Variants in MAGEL2 observed in about 807,000 individuals in gnomAD.
The protein encoded by MAGEL2 is MAGE family member L2, also known as MAGE-like protein 2.
For missense variants in MAGEL2, 1,830 were observed against 1,699.2 expected, an observed-to-expected ratio of 1.08 and a Z score of -1.35; for synonymous variants, 792 against 721.7, an observed-to-expected ratio of 1.10 and a Z score of -1.56.
chr15:23,647,283 G>C lies in MAGEL2; in HGVS notation c.460C>G (p.Pro154Ala), dbSNP rs1169854094. The change falls in exon 1 of 1, where the codon CCT (proline) becomes GCT (alanine). Residue 154 changes from proline (P) to alanine (A), a missense_variant. Physicochemically the swap from Pro to Ala is conservative, Grantham distance 27. Transcript: ENST00000650528. The part of the protein sequence containing the change: ...PPGTPMSHPP[P>A]PGTPMAHPPP... The stretch of plus-strand genomic sequence containing the variant: ...GGATGGGCCATTGGGGTCCCCGGAG[G>C]GGGAGGGTGGGACATTGGGGTCCCC... 1 of 1,535,148 alleles carries C rather than the reference G, an allele frequency of 6.5e-7. No individual in the cohort carries two copies. Among genetic ancestry groups the C allele is most frequent in the East Asian group, 2.4e-5 (1 of 40,834 alleles).
In MAGEL2 at chr15:23,647,713, G is replaced by A. The variant is rs1890452746; in HGVS notation, c.30C>T (p.Asp10=). The A allele has an allele frequency of 2.7e-6, 4 of 1,478,640 alleles. No individual in the cohort carries two copies. The highest frequency in any genetic ancestry group is 2.8e-5 in the African/African-American group (2 of 70,454). The allele number at this position is 1,478,640 out of a possible 1,614,324, so 91.6% of individuals were successfully genotyped here. The part of the protein sequence containing the change: MSQLSKNLG[D]SSPPAEAPKP... ...TCGGGGCCTCCGCCGGAGGACTCGAGTCACCCAGATTCTTACTTAGCTGCG... is the reference window on the plus strand; with the variant it reads ...TCGGGGCCTCCGCCGGAGGACTCGAATCACCCAGATTCTTACTTAGCTGCG... Residue 10 remains aspartate (D), a synonymous_variant, in exon 1 of 1, where the codon GAC becomes GAT. Coordinates refer to ENST00000650528, the MANE Select transcript of MAGEL2 (RefSeq NM_019066.5).
chr15:23,647,038 C>T lies in MAGEL2; in HGVS notation c.705G>A (p.Pro235=), dbSNP rs1039950117. The T allele has an allele frequency of 3.9e-6, 6 of 1,536,252 alleles. No homozygotes were observed. The Admixed American group carries it at 5.9e-5, about 15-fold the overall frequency. ...PGTPMAQPPA[P]GVLMAQPLTP... is the part of the protein sequence containing the mutation. ...TCAGAGGCTGGGCCATCAGGACTCC[C>T]GGAGCTGGAGGCTGGGCCATCGGTG... Residue 235 remains proline, a synonymous_variant, in exon 1 of 1, where the codon CCG becomes CCA. Transcript: ENST00000650528.
rs377276863 is a variant in MAGEL2, at chr15:23,645,115, G to A, written c.2628C>T (p.Val876=). The A allele has an allele frequency of 7.4e-5, 120 of 1,613,766 alleles. No homozygotes were observed. In the African/African-American group the frequency reaches 9.9e-4, roughly 13 times the overall value. ...CCTTGCCGGAGCGGCGTGGCGGCTC[G>A]ACGGAGGTCTTGGAGGCCTCTTGAG... ...ATTQEASKTS[V]EPPRRSGKAT... is the part of the protein sequence containing the mutation. Residue 876 remains valine (V), a synonymous_variant, in exon 1 of 1, where the codon GTC becomes GTT. Transcript: ENST00000650528.
In MAGEL2 at chr15:23,644,264, A is replaced by G; in HGVS notation, c.3479T>C (p.Val1160Ala). 2.5e-6 allele frequency: 4 copies of G among 1,613,744 alleles called. No homozygotes were observed. The highest frequency in any genetic ancestry group is 3.4e-6 in the Non-Finnish European group (4 of 1,179,876). ...FGNTKKLITE[V>A]FVRQKYLEYR... ...CTCTAGGTACTTCTGCCTGACAAAC[A>G]CTTCGGTGATGAGCTTCTTAGTATT... Residue 1160 changes from valine (V) to alanine (A), a missense_variant, in exon 1 of 1, where the codon GTG (valine) becomes GCG (alanine). Physicochemically the swap from Val to Ala is moderately conservative, Grantham distance 64. Coordinates refer to ENST00000650528, the MANE Select transcript of MAGEL2 (RefSeq NM_019066.5).
rs773477031 is a variant in MAGEL2, at chr15:23,645,401, T to G, written c.2342A>C (p.Glu781Ala). The G allele has an allele frequency of 1.2e-6, 2 of 1,613,970 alleles. No individual in the cohort carries two copies. Among genetic ancestry groups the G allele is most frequent in the Admixed American group, 3.3e-5 (2 of 60,028 alleles). The change falls in exon 1 of 1, where the codon GAG becomes GCG. Residue 781 changes from glutamate (E) to alanine (A), a missense_variant. Coordinates refer to ENST00000650528, the MANE Select transcript of MAGEL2 (RefSeq NM_019066.5). ...GACACTTGAGGAGGGAGCAAAGGTC[T>G]CCGGTGTGGCAGGCAGGTTTTTCCA... Reference protein sequence around the residue: ...AAWKNLPATPETFAPSSSVFP... With the variant: ...AAWKNLPATPATFAPSSSVFP...
At position 23,644,414 on chromosome 15, in the gene MAGEL2, A is replaced by G. The variant is rs769234428; in HGVS notation, c.3329T>C (p.Phe1110Ser). The G allele has an allele frequency of 1.2e-6, 2 of 1,613,942 alleles. No homozygotes were observed. Among genetic ancestry groups the G allele is most frequent in the Non-Finnish European group, 1.7e-6 (2 of 1,179,876 alleles). Residue 1110 changes from phenylalanine to serine, a missense_variant, in exon 1 of 1, where the codon TTT becomes TCT. Transcript: ENST00000650528. ...GCTCAAGACCACCATCAGAAGGCCA[A>G]ACTTGGGCCTGTCTAAATAGGATGC... ...LVASYLDRPK[F>S]GLLMVVLSLI... is the part of the protein sequence containing the mutation.
chr15:23,647,381 T>C lies in MAGEL2; in HGVS notation c.362A>G (p.Gln121Arg). The change falls in exon 1 of 1, where the codon CAG (glutamine) becomes CGG (arginine). Residue 121 changes from glutamine (Q) to arginine (R), a missense_variant. Gln to Arg is a conservative substitution (Grantham distance 43). Transcript: ENST00000650528. ...CATCAGGACTCCCGGGGTCGGAGGCTGGGCCATCGGGGCTCCCGGAGGTGG... is the reference window on the plus strand; with the variant it reads ...CATCAGGACTCCCGGGGTCGGAGGCCGGGCCATCGGGGCTCCCGGAGGTGG... ...HPPPPGAPMA[Q>R]PPTPGVLMVH... 1.3e-6 allele frequency: 2 copies of C among 1,536,822 alleles called. No homozygotes were observed. Among genetic ancestry groups the C allele is most frequent in the Non-Finnish European group, 1.7e-6 (2 of 1,146,798 alleles).
Position 23,646,587 on chromosome 15 carries a change from G to A in MAGEL2, c.1156C>T (p.Pro386Ser). The change falls in exon 1 of 1, where the codon CCC becomes TCC. Residue 386 changes from proline to serine, a missense_variant. By Grantham distance (74) the Pro-to-Ser change is moderately conservative. Coordinates refer to ENST00000650528, the MANE Select transcript of MAGEL2 (RefSeq NM_019066.5). The surrounding 1 kb of genome is among the most constrained non-coding windows in gnomAD (Gnocchi z 4.2). The part of the protein sequence containing the change: ...QATQQGWQAT[P>S]LTWQTTQVTW... ...ACCTGCGTGGTCTGCCAAGTCAGGG[G>A]AGTGGCCTGCCAGCCTTGCTGCGTG... 1 of 1,473,738 alleles carries A rather than the reference G, an allele frequency of 6.8e-7. No individual in the cohort carries two copies. The highest frequency in any genetic ancestry group is 8.9e-7 in the Non-Finnish European group (1 of 1,117,744). 91.3% of individuals were successfully genotyped at this position (1,473,738 alleles called of 1,614,324 possible). A position where few individuals can be genotyped will look rare whatever the true frequency, so the allele number is the denominator to read the frequency against.
Position 23,647,624 on chromosome 15 carries a change from G to A in MAGEL2, c.119C>T (p.Pro40Leu), listed in dbSNP as rs1345096812. 8 of 1,536,846 alleles carry A rather than the reference G, an allele frequency of 5.2e-6. No homozygotes were observed. The highest frequency in any genetic ancestry group is 3.4e-4 in the Middle Eastern group (2 of 5,914). ...MRAPPASSRA[P>L]PVPWDPPPID... ...TGGAGGTGGATCCCAAGGGACTGGCGGAGCCCGGGAGGAAGCGGGCGGGGC... is the reference window on the plus strand; with the variant it reads ...TGGAGGTGGATCCCAAGGGACTGGCAGAGCCCGGGAGGAAGCGGGCGGGGC... The change falls in exon 1 of 1, where the codon CCG (proline) becomes CTG (leucine). Residue 40 changes from proline (P) to leucine (L), a missense_variant. Pro to Leu is a moderately conservative substitution (Grantham distance 98). Transcript: ENST00000650528.
chr15:23,644,537 A>C lies in MAGEL2; in HGVS notation c.3206T>G (p.Leu1069Arg), dbSNP rs1229854555. The C allele has an allele frequency of 1.2e-6, 2 of 1,613,784 alleles. No homozygotes were observed. The highest frequency in any genetic ancestry group is 3.3e-5 in the Admixed American group (2 of 60,004). ...CAATTGATAACCAAAGGCACACTCC[A>C]GCTTATTGTTGGCACGGTTGATGAT... The part of the protein sequence containing the change: ...LDIINRANNK[L>R]ECAFGYQLKE... Residue 1069 changes from leucine to arginine, a missense_variant, in exon 1 of 1, where the codon CTG (leucine) becomes CGG (arginine). Physicochemically the swap from Leu to Arg is moderately radical, Grantham distance 102. Coordinates refer to ENST00000650528, the MANE Select transcript of MAGEL2 (RefSeq NM_019066.5).
Position 23,644,161 on chromosome 15 carries a change from C to T in MAGEL2, c.3582G>A (p.Lys1194=). ...TGGCCAAAAACCTCAGGACAAGCAT[C>T]TTGCTGGTTTCCAGGAATGCTCGAG... ...WGPRAFLETS[K]MLVLRFLAKL... The change falls in exon 1 of 1, where the codon AAG becomes AAA. Residue 1194 remains lysine, a synonymous_variant. Transcript: ENST00000650528. 6.2e-7 allele frequency: 1 copy of T among 1,613,960 alleles called. No homozygotes were observed. Among genetic ancestry groups the T allele is most frequent in the South Asian group, 1.1e-5 (1 of 91,072 alleles).
At position 23,644,549 on chromosome 15, in the gene MAGEL2, G is replaced by A; in HGVS notation, c.3194C>T (p.Ala1065Val). The change falls in exon 1 of 1, where the codon GCC (alanine) becomes GTC (valine). Residue 1065 changes from alanine (A) to valine (V), a missense_variant. Ala to Val is a moderately conservative substitution (Grantham distance 64). Coordinates refer to ENST00000650528, the MANE Select transcript of MAGEL2 (RefSeq NM_019066.5). ...AAAGGCACACTCCAGCTTATTGTTGGCACGGTTGATGATATCTAAGCACTC... is the reference window on the plus strand; with the variant it reads ...AAAGGCACACTCCAGCTTATTGTTGACACGGTTGATGATATCTAAGCACTC... ...KDECLDIINR[A>V]NNKLECAFGY... is the part of the protein sequence containing the mutation. The A allele has an allele frequency of 6.2e-7, 1 of 1,613,688 alleles. No individual in the cohort carries two copies. Among genetic ancestry groups the A allele is most frequent in the Non-Finnish European group, 8.5e-7 (1 of 1,179,834 alleles).
At position 23,646,507 on chromosome 15, in the gene MAGEL2, C is replaced by T; in HGVS notation, c.1236G>A (p.Gly412=). The change falls in exon 1 of 1, where the codon GGG becomes GGA. Residue 412 remains glycine (G), a synonymous_variant. Transcript: ENST00000650528. The surrounding 1 kb of genome is among the most constrained non-coding windows in gnomAD (Gnocchi z 4.2). The part of the protein sequence containing the change: ...TWQVPPPMRQ[G]PPPIRPGPPP... ...GTGGGCCAGGGCGGATGGGCGGGGG[C>T]CCCTGGCGCATGGGCGGCGGCACCT... The T allele has an allele frequency of 6.9e-7, 1 of 1,458,592 alleles. No individual in the cohort carries two copies. Among genetic ancestry groups the T allele is most frequent in the Non-Finnish European group, 9.0e-7 (1 of 1,113,240 alleles). 90.4% of individuals were successfully genotyped at this position (1,458,592 alleles called of 1,614,324 possible).
rs1890326696 is a variant in MAGEL2, at chr15:23,643,620, T to G, written c.*373A>C. The G allele has an allele frequency of 5.7e-6, 1 of 174,702 alleles. No individual in the cohort carries two copies. Among genetic ancestry groups the G allele is most frequent in the Non-Finnish European group, 1.2e-5 (1 of 83,588 alleles). The allele number at this position is 174,702 out of a possible 1,614,324, so 10.8% of individuals were successfully genotyped here. A position where few individuals can be genotyped will look rare whatever the true frequency, so the allele number is the denominator to read the frequency against. Reference sequence around the variant, plus strand: ...TCTGTAGACAGTTTTTACTGATGAGTCATTTGAACGTTCAAAGAACAACCG... The same window carrying G: ...TCTGTAGACAGTTTTTACTGATGAGGCATTTGAACGTTCAAAGAACAACCG... On this transcript the variant is annotated 3_prime_UTR_variant, in exon 1 of 1. Transcript: ENST00000650528.
chr15:23,645,734 G>T lies in MAGEL2; in HGVS notation c.2009C>A (p.Ala670Glu), dbSNP rs1174727862. The T allele has an allele frequency of 6.4e-7, 1 of 1,568,314 alleles. No individual in the cohort carries two copies. The highest frequency in any genetic ancestry group is 8.6e-7 in the Non-Finnish European group (1 of 1,159,256). Residue 670 changes from alanine (A) to glutamate (E), a missense_variant, in exon 1 of 1, where the codon GCA (alanine) becomes GAA (glutamate). Ala to Glu is a moderately radical substitution (Grantham distance 107, BLOSUM62 -1). Coordinates refer to ENST00000650528, the MANE Select transcript of MAGEL2 (RefSeq NM_019066.5). ...QIQLPPQQAQ[A>E]SGPQAEVPTL... ...GGGCACCTCCGCTTGCGGACCCGAT[G>T]CCTGGGCCTGCTGGGGGGGTAGCTG... is the stretch of plus-strand genomic sequence containing the variant.
rs1404298167 is a variant in MAGEL2 at position 23,646,547 on chromosome 15, G to T, written c.1196C>A (p.Pro399Gln). The change falls in exon 1 of 1, where the codon CCA becomes CAA. Residue 399 changes from proline (P) to glutamine (Q), a missense_variant. By Grantham distance (76) the Pro-to-Gln change is moderately conservative. Coordinates refer to ENST00000650528, the MANE Select transcript of MAGEL2 (RefSeq NM_019066.5). This position sits in a 1 kb window ranked among gnomAD's most constrained non-coding sequence, Gnocchi z 4.2. The part of the protein sequence containing the change: ...WQTTQVTWQA[P>Q]AVTWQVPPPM... ...CGGCGGCACCTGCCAGGTAACGGCT[G>T]GTGCCTGCCAGGTGACCTGCGTGGT... The T allele has an allele frequency of 2.9e-5, 43 of 1,474,910 alleles. No individual in the cohort carries two copies. Among genetic ancestry groups the T allele is most frequent in the Non-Finnish European group, 3.8e-5 (43 of 1,119,326 alleles). 91.4% of individuals were successfully genotyped at this position (1,474,910 alleles called of 1,614,324 possible).
chr15:23,646,696 C>G lies in MAGEL2; in HGVS notation c.1047G>C (p.Pro349=). Residue 349 remains proline, a synonymous_variant, in exon 1 of 1, where the codon CCG becomes CCC. Coordinates refer to ENST00000650528, the MANE Select transcript of MAGEL2 (RefSeq NM_019066.5). This position sits in a 1 kb window ranked among gnomAD's most constrained non-coding sequence, Gnocchi z 4.2. ...QIQSQVIRAP[P]QVPQGPQAPP... ...GTGCCTGCGGGCCCTGGGGAACCTG[C>G]GGAGGAGCCCTTATAACTTGAGACT... The G allele has an allele frequency of 3.9e-6, 6 of 1,525,328 alleles. No individual in the cohort carries two copies. The highest frequency in any genetic ancestry group is 5.3e-6 in the Non-Finnish European group (6 of 1,140,700). The allele number at this position is 1,525,328 out of a possible 1,614,324, so 94.5% of individuals were successfully genotyped here.
rs1229812620 is a variant in MAGEL2, at chr15:23,644,004, G to A, written c.3739C>T (p.Pro1247Ser). ...DSAHGPTSRP[P>S]PR ...CTCTGCTACACCTATTAGCGGGGAG[G>A]GGGCCTGCTGGTGGGGCCGTGGGCA... is the stretch of plus-strand genomic sequence containing the variant. The change falls in exon 1 of 1, where the codon CCT (proline) becomes TCT (serine). Residue 1247 changes from proline to serine, a missense_variant. By Grantham distance (74) the Pro-to-Ser change is moderately conservative. Coordinates refer to ENST00000650528, the MANE Select transcript of MAGEL2 (RefSeq NM_019066.5). 1.3e-6 allele frequency: 2 copies of A among 1,596,100 alleles called. No homozygotes were observed.
chr15:23,645,875 G>C lies in MAGEL2; in HGVS notation c.1868C>G (p.Pro623Arg), dbSNP rs1890389489. Residue 623 changes from proline (P) to arginine (R), a missense_variant, in exon 1 of 1, where the codon CCC becomes CGC. By Grantham distance (103) the Pro-to-Arg change is moderately radical. Transcript: ENST00000650528. ...AGGCAGGGGCTGCCAGATGTGAGTGGGGGCCTTCTGGGCCTGCCAGGCCAG... is the reference window on the plus strand; with the variant it reads ...AGGCAGGGGCTGCCAGATGTGAGTGCGGGCCTTCTGGGCCTGCCAGGCCAG... ...QALAWQAQKA[P>R]THIWQPLPAQ... 6 of 1,575,846 alleles carry C rather than the reference G, an allele frequency of 3.8e-6. No homozygotes were observed. The East Asian group carries it at 1.4e-4, about 37-fold the overall frequency.
Sources: gnomAD v4.1 joint callset for allele counts on GRCh38, gnomAD v4.1.1 for gene constraint, Gnocchi (gnomAD v3.1) non-coding constraint, MANE v1.5 for transcripts, NCBI Gene and HGNC (gene_info 2026-07-23, HGNC 2026-07-21) for gene names.